Variants in RBM47 observed in about 807,000 individuals in gnomAD.
RBM47 encodes RNA binding motif protein 47.
RBM47 carries 21 observed loss-of-function variants against 47.1 expected under a neutral mutation model. The ratio of observed to expected loss-of-function variants is 0.45; its 90% CI spans 0.32 to 0.64. The LOEUF (loss-of-function observed/expected upper bound fraction) is 0.64. RBM47 is among the 30% of genes least tolerant of loss of function. The pLI is 0.05. For missense variants in RBM47, 708 were observed against 870.9 expected, an observed-to-expected ratio of 0.81 and a Z score of 2.35; for synonymous variants, 375 against 361.7, an observed-to-expected ratio of 1.04 and a Z score of -0.42.
At chr4:40,526,789 C>CT (rs540484622) in intron 2 of RBM47, among the ~76,000 whole-genome samples, 669 of 61,628 alleles carry the variant, frequency 0.011, 39 homozygotes, top group Admixed American at 0.015. Flanking sequence ...CAGTTTGGTT[C>CT]TTTTTTTTTT....
intron 6 of RBM47, among the ~76,000 whole-genome samples, chr4:40,428,556 T>C (rs925379295): frequency 1.3e-5 from 2 of 152,184 alleles, no homozygotes; most frequent in East Asian, 1.9e-4. Context: ...TGTGTGGACG[T>C]AGGTTTAATA....
chr4:40,534,917 G>A (rs961401124), intron 2 of RBM47, among the ~76,000 whole-genome samples: 31 of 143,880 alleles, frequency 2.2e-4, no homozygotes, highest in East Asian at 1.6e-3. Context: ...CCTGGGCGAT[G>A]GAGCAAGACT....
chr4:40,445,000 C>T (rs757157285), intron 3 of RBM47, among the ~76,000 whole-genome samples: 2 of 150,350 alleles, frequency 1.3e-5, no homozygotes, highest in African/African-American at 2.4e-5. Context: ...TTTGGCCGGG[C>T]GCGGTGGCTC....
chr4:40,429,068 T>C (rs1715488148), intron 6 of RBM47, among the ~76,000 whole-genome samples: 2 of 152,088 alleles, frequency 1.3e-5, no homozygotes, highest in African/African-American at 4.8e-5. Context: ...GTCATCCCTC[T>C]CCATCCTGCC....
At chr4:40,489,627 A>T (rs1721582748) in intron 2 of RBM47, among the ~76,000 whole-genome samples, 1 of 152,246 alleles carries the variant, frequency 6.6e-6, no homozygotes, top group African/African-American at 2.4e-5. Context: ...ACTCAAGAAG[A>T]AATAGAATAT....
chr4:40,568,428 CAAAAAAAAAAAAAAAA>C (rs35434439), intron 1 of RBM47, among the ~76,000 whole-genome samples: 7 of 57,576 alleles, frequency 1.2e-4, no homozygotes, highest in African/African-American at 3.7e-4. Context: ...AACCCTGTCT[CAAAAAAAAAAAAAAAA>C]AAAAAAAAAA....
At chr4:40,468,876 G>T (rs79155985) in intron 2 of RBM47, among the ~76,000 whole-genome samples, 1,641 of 152,256 alleles carry the variant, frequency 0.011, 31 homozygotes, top group African/African-American at 0.038. Context: ...TAGTAATCAA[G>T]ATCATAGTGG....
chr4:40,447,306 A>G (rs979653205), intron 3 of RBM47, among the ~76,000 whole-genome samples: 1 of 152,198 alleles, frequency 6.6e-6, no homozygotes, highest in Admixed American at 6.5e-5. Flanking sequence ...AAATCAAGCT[A>G]TTATTATTCT....
At position 40,524,770 on chromosome 4, in the gene RBM47, G is replaced by A. The variant is rs6846292; in HGVS notation, c.-155+19652C>T. Reference sequence around the variant, plus strand: ...TGAGTAGCTAGGACTACAGGCGCACGTCACCACGCTCGGCTAATGCTCATT... The same window carrying A: ...TGAGTAGCTAGGACTACAGGCGCACATCACCACGCTCGGCTAATGCTCATT... On this transcript the variant is annotated intron_variant, in intron 2 of 6. Coordinates refer to ENST00000295971, the MANE Select transcript of RBM47 (RefSeq NM_001098634.2). Among the ~76,000 whole-genome samples, 848 of 152,260 alleles carry A rather than the reference G, an allele frequency of 5.6e-3. 5 individuals carry two copies. The highest frequency in any genetic ancestry group is 0.019 in the African/African-American group (802 of 41,550).
chr4:40,521,200 A>G (rs955457099), intron 2 of RBM47, among the ~76,000 whole-genome samples: 17 of 150,950 alleles, frequency 1.1e-4, no homozygotes, highest in African/African-American at 3.9e-4. Context: ...TTTAATTTTA[A>G]TTTTTTTGTT....
intron 2 of RBM47, among the ~76,000 whole-genome samples, chr4:40,502,431 C>T (rs754533586): frequency 1.3e-5 from 2 of 152,140 alleles, no homozygotes; most frequent in African/African-American, 4.8e-5. Context: ...CTGAGAAATG[C>T]TTCCCCAGCT....
intron 2 of RBM47, among the ~76,000 whole-genome samples, chr4:40,524,341 C>T (rs755399224): frequency 9.2e-5 from 14 of 152,204 alleles, no homozygotes; most frequent in African/African-American, 2.4e-5. Context: ...AAGACTGGAA[C>T]CCACCAGACT....
In RBM47 at chr4:40,628,724, G is replaced by T. The variant is rs1392756749; in HGVS notation, c.-240+672C>A. Among the ~76,000 whole-genome samples, 1 of 152,046 alleles carries T rather than the reference G, an allele frequency of 6.6e-6. No homozygotes were observed. Among genetic ancestry groups the T allele is most frequent in the Admixed American group, 6.5e-5 (1 of 15,274 alleles). ...ATGGCCTGTAAGTACCTTGAAGATG[G>T]TATCTTCCTATCACTTATGCCTTGG... On this transcript the variant is annotated intron_variant, in intron 1 of 6. Transcript: ENST00000295971. This position sits in a 1 kb window ranked among gnomAD's most constrained non-coding sequence, Gnocchi z 4.0.
intron 2 of RBM47, among the ~76,000 whole-genome samples, chr4:40,476,848 T>C (rs1034494401): frequency 6.6e-6 from 1 of 152,208 alleles, no homozygotes; most frequent in African/African-American, 2.4e-5. Context: ...CAAAAAAATG[T>C]GGTCCCCAGT....
chr4:40,530,554 C>G (rs1335632554), intron 2 of RBM47, among the ~76,000 whole-genome samples: 1 of 152,196 alleles, frequency 6.6e-6, no homozygotes. Context: ...CCCGTCTCGG[C>G]CTCCCAAAGT....
chr4:40,520,310 G>C (rs931644256), intron 2 of RBM47, among the ~76,000 whole-genome samples: 8 of 152,178 alleles, frequency 5.3e-5, no homozygotes, highest in African/African-American at 1.9e-4. Flanking sequence ...TCCACCTCCA[G>C]CCATGTGATT....
At chr4:40,574,845 GT>G (rs1298411310) in intron 1 of RBM47, among the ~76,000 whole-genome samples, 2 of 152,094 alleles carry the variant, frequency 1.3e-5, no homozygotes, top group African/African-American at 4.8e-5. Context: ...GTGAGACTCT[GT>G]ATCAAAGAAG....
chr4:40,580,787 T>C lies in RBM47; in HGVS notation c.-239-36281A>G, dbSNP rs139364885. Among the ~76,000 whole-genome samples the C allele has an allele frequency of 1.2e-4, 19 of 152,200 alleles. No individual in the cohort carries two copies. The East Asian group carries it at 3.3e-3, about 26-fold the overall frequency. ...GAGACAGGAGAATTTCAGACAGTGG[T>C]AAAAGTTGTGAGGTAAATAAAGCAG... On this transcript the variant is annotated intron_variant, in intron 1 of 6. Transcript: ENST00000295971.
intron 2 of RBM47, among the ~76,000 whole-genome samples, chr4:40,475,022 A>G (rs1183145896): frequency 6.6e-6 from 1 of 152,210 alleles, no homozygotes; most frequent in African/African-American, 2.4e-5. Flanking sequence ...TATTAAAACA[A>G]ATTTTGAATA....
Sources: allele counts gnomAD v4.1 joint callset (sites outside exome capture counted in the v4.1 genomes callset), GRCh38; gene constraint gnomAD v4.1.1; non-coding constraint Gnocchi (gnomAD v3.1); transcripts MANE v1.5; gene names NCBI Gene and HGNC (gene_info 2026-07-23, HGNC 2026-07-21).